The following PAQR8 variants were observed in gnomAD, a reference collection of about 807,000 sequenced individuals.
PAQR8 encodes membrane progestin receptor beta.
In PAQR8, 17 loss-of-function variants were observed where a neutral mutation model predicts 25.2. The observed-to-expected ratio is 0.67, with a 90% CI of 0.46 to 1.01. The LOEUF (loss-of-function observed/expected upper bound fraction) is 1.01, where lower values mean the gene tolerates loss of function less well. Ranked by LOEUF, PAQR8 falls within the 50% of genes least tolerant of loss-of-function variation. The pLI, the probability that PAQR8 is intolerant of heterozygous loss-of-function variation, is 0.00. For missense variants in PAQR8, 392 were observed against 448.4 expected (o/e 0.87, Z 1.14); for synonymous variants, 204 against 190.6 (o/e 1.07, Z -0.58).
chr6:52,397,328 C>G (rs891955503), intron 1 of PAQR8, among the ~76,000 whole-genome samples: 12 of 152,162 alleles, frequency 7.9e-5, no homozygotes, highest in African/African-American at 2.9e-4. Flanking sequence ...TCTTATTTTG[C>G]CTCTTTGCTA....
At chr6:52,364,838 C>T (rs1157108133) in intron 1 of PAQR8, among the ~76,000 whole-genome samples, 2 of 152,120 alleles carry the variant, frequency 1.3e-5, no homozygotes, top group Non-Finnish European at 2.9e-5. Context: ...ACAGTTGGTC[C>T]CTGAATAACA....
In PAQR8 at chr6:52,403,544, C is replaced by T; in HGVS notation, c.331C>T (p.Pro111Ser). Residue 111 changes from proline (P) to serine (S), a missense_variant, in exon 2 of 2, where the codon CCT (proline) becomes TCT (serine). Transcript: ENST00000442253. ...GCCATGGGCGTCTACCCACTCCCTG[C>T]CTCTGCTCCTCTTCATCCTGTCGTC... ...ALPWASTHSL[P>S]LLLFILSSIT... 6.2e-7 allele frequency: 1 copy of T among 1,614,092 alleles called. No individual in the cohort carries two copies. Among genetic ancestry groups the T allele is most frequent in the East Asian group, 2.2e-5 (1 of 44,884 alleles).
intron 1 of PAQR8, among the ~76,000 whole-genome samples, chr6:52,379,624 T>TTTTC (rs1763529374): frequency 7.6e-6 from 1 of 131,600 alleles, no homozygotes; most frequent in Admixed American, 7.3e-5. Context: ...GCTTTCTTTT[T>TTTTC]TTTTTTTTTT....
chr6:52,379,514 C>T lies in PAQR8; in HGVS notation c.-53+17265C>T, dbSNP rs190502111. Among the ~76,000 whole-genome samples the T allele has an allele frequency of 3.3e-3, 507 of 152,118 alleles. 2 individuals are homozygous for T. Among genetic ancestry groups the T allele is most frequent in the African/African-American group, 0.012 (496 of 41,494 alleles). On this transcript the variant is annotated intron_variant, in intron 1 of 1. Transcript: ENST00000442253. ...TTGCCTAGGCTGGAGTGCAGTGTCGCGATCTCGACTCACTGCAACCTCCGC... is the reference window on the plus strand; with the variant it reads ...TTGCCTAGGCTGGAGTGCAGTGTCGTGATCTCGACTCACTGCAACCTCCGC...
chr6:52,396,345 T>TA (rs1763767122), intron 1 of PAQR8, among the ~76,000 whole-genome samples: 1 of 152,046 alleles, frequency 6.6e-6, no homozygotes, highest in Non-Finnish European at 1.5e-5. Flanking sequence ...GCATGGGAGA[T>TA]AGAGTGTCAA....
rs201218948 is a variant in PAQR8, at chr6:52,403,839, G to A, written c.626G>A (p.Arg209Lys). 3.7e-5 allele frequency: 60 copies of A among 1,614,094 alleles called. No homozygotes were observed. Among genetic ancestry groups the A allele is most frequent in the Non-Finnish European group, 8.5e-6 (10 of 1,180,058 alleles). ...YRYRRPYPVM[R>K]KICQVVPAGL... ...TACCGGAGGCCTTATCCAGTCATGA[G>A]GAAGATCTGTCAAGTGGTGCCAGCA... The change falls in exon 2 of 2, where the codon AGG becomes AAG. Residue 209 changes from arginine (R) to lysine (K), a missense_variant. Transcript: ENST00000442253.
chr6:52,367,727 T>A (rs1438042468), intron 1 of PAQR8, among the ~76,000 whole-genome samples: 1 of 152,152 alleles, frequency 6.6e-6, no homozygotes, highest in East Asian at 1.9e-4. Flanking sequence ...CCCAGACTTG[T>A]GTAGAGGAAA....
At chr6:52,383,827 G>A (rs1186058543) in intron 1 of PAQR8, among the ~76,000 whole-genome samples, 2 of 152,176 alleles carry the variant, frequency 1.3e-5, no homozygotes, top group Non-Finnish European at 2.9e-5. Context: ...TGACGGTCAG[G>A]CTCAGGAATG....
intron 1 of PAQR8, among the ~76,000 whole-genome samples, chr6:52,386,408 C>T (rs1027670093): frequency 5.3e-5 from 8 of 152,210 alleles, no homozygotes; most frequent in African/African-American, 1.9e-4. Context: ...ATGTTCATCA[C>T]AGCACTATTC....
chr6:52,394,708 AC>A (rs898278106), intron 1 of PAQR8, among the ~76,000 whole-genome samples: 35 of 152,330 alleles, frequency 2.3e-4, no homozygotes, highest in African/African-American at 7.7e-4. Flanking sequence ...AAGAGTGGTT[AC>A]GTTCAGTAGA....
intron 1 of PAQR8, among the ~76,000 whole-genome samples, chr6:52,395,582 A>G (rs1295717859): frequency 6.6e-6 from 1 of 152,220 alleles, no homozygotes; most frequent in Middle Eastern, 3.2e-3. Context: ...GATGATTCCC[A>G]GGAGTGTTAC....
At chr6:52,396,664 C>T (rs1461926118) in intron 1 of PAQR8, among the ~76,000 whole-genome samples, 1 of 152,098 alleles carries the variant, frequency 6.6e-6, no homozygotes, top group Non-Finnish European at 1.5e-5. Flanking sequence ...CTGCTATTGT[C>T]ATCATTAACA....
intron 1 of PAQR8, among the ~76,000 whole-genome samples, chr6:52,374,939 A>G (rs1051408836): frequency 5.4e-5 from 8 of 149,228 alleles, no homozygotes; most frequent in Non-Finnish European, 1.5e-5. Flanking sequence ...AATTAATATA[A>G]TATTATATTA....
chr6:52,376,173 A>G (rs1208799866), intron 1 of PAQR8, among the ~76,000 whole-genome samples: 1 of 152,230 alleles, frequency 6.6e-6, no homozygotes, highest in Admixed American at 6.5e-5. Flanking sequence ...TGAAGCATCA[A>G]GACTTCCTTG....
intron 1 of PAQR8, among the ~76,000 whole-genome samples, chr6:52,383,214 G>A (rs1450731582): frequency 2.6e-5 from 4 of 152,312 alleles, no homozygotes; most frequent in Middle Eastern, 3.4e-3. Flanking sequence ...TAAATGTTAC[G>A]TTATTCTCTA....
chr6:52,398,140 A>AC (rs1763787583), intron 1 of PAQR8, among the ~76,000 whole-genome samples: 1 of 152,062 alleles, frequency 6.6e-6, no homozygotes, highest in Non-Finnish European at 1.5e-5. Flanking sequence ...GAAATGACAG[A>AC]AAAAAAGAAA....
At chr6:52,379,619 C>CTTTT (rs909812638) in intron 1 of PAQR8, among the ~76,000 whole-genome samples, 1,892 of 76,808 alleles carry the variant, frequency 0.025, 185 homozygotes, top group Non-Finnish European at 0.035. Context: ...ACCCAGCTTT[C>CTTTT]TTTTTTTTTT....
chr6:52,386,813 TAGAAA>T (rs781307598), intron 1 of PAQR8, among the ~76,000 whole-genome samples: 18 of 152,194 alleles, frequency 1.2e-4, no homozygotes, highest in African/African-American at 2.2e-4. Context: ...ACCTCCTGAA[TAGAAA>T]AGAAAAGTTG....
intron 1 of PAQR8, among the ~76,000 whole-genome samples, chr6:52,396,312 G>A (rs1487427405): frequency 6.6e-6 from 1 of 152,178 alleles, no homozygotes; most frequent in Non-Finnish European, 1.5e-5. Flanking sequence ...GAGTTGCTGG[G>A]CTAGAGGGTA....
Sources: gnomAD v4.1 joint callset for allele counts (sites outside exome capture counted in the v4.1 genomes callset) on GRCh38, gnomAD v4.1.1 for gene constraint, MANE v1.5 for transcripts, NCBI Gene and HGNC (gene_info 2026-07-23, HGNC 2026-07-21) for gene names.